The following COG5 variants were observed in gnomAD, a reference collection of about 807,000 sequenced individuals.
The protein encoded by COG5 is conserved oligomeric Golgi complex subunit 5.
In COG5, 86 loss-of-function variants were observed where a neutral mutation model predicts 110.4. The observed-to-expected ratio is 0.78, with a 90% CI of 0.65 to 0.93. The LOEUF (loss-of-function observed/expected upper bound fraction) is 0.93. Among genes scored for constraint, COG5 ranks in the 40% least tolerant of loss-of-function variants. The probability of loss-of-function intolerance (pLI) is 0.00; values close to 1 mark genes in which losing one functional copy is unlikely to be tolerated. For missense variants in COG5, 1,077 were observed against 987.0 expected, an observed-to-expected ratio of 1.09 and a Z score of -1.22; for synonymous variants, 360 against 334.6, an observed-to-expected ratio of 1.08 and a Z score of -0.83.
chr7:107,520,502 A>C (rs1215362842), intron 6 of COG5, among the ~76,000 whole-genome samples: 2 of 152,176 alleles, frequency 1.3e-5, no homozygotes, highest in East Asian at 3.9e-4. Context: ...CACCAACAAC[A>C]GGCAAGCAGA....
rs569750959 is a variant in COG5, at chr7:107,298,896, A to C, written c.1109-550T>G. Among the ~76,000 whole-genome samples the C allele has an allele frequency of 1.4e-4, 22 of 152,322 alleles. No homozygotes were observed. The South Asian group carries it at 4.6e-3, about 32-fold the overall frequency. On this transcript the variant is annotated intron_variant, in intron 11 of 21. Transcript: ENST00000297135. Reference sequence around the variant, plus strand: ...AGTAACAAAAAGATACCTGAAAAGAATCCTCAAATATTTGGAACTAGAAAA... The same window carrying C: ...AGTAACAAAAAGATACCTGAAAAGACTCCTCAAATATTTGGAACTAGAAAA...
At chr7:107,549,314 T>C (rs1333872617) in intron 3 of COG5, 1 of 152,234 alleles carries the variant, frequency 6.6e-6, no homozygotes, top group Non-Finnish European at 1.5e-5. Context: ...CGAATTCTAT[T>C]GTTGGTTCTG....
At chr7:107,294,454 C>A (rs375215348) in intron 12 of COG5, among the ~76,000 whole-genome samples, 5 of 151,636 alleles carry the variant, frequency 3.3e-5, no homozygotes, top group African/African-American at 1.2e-4. Flanking sequence ...TCTGTGCTGG[C>A]CCCCCCTAAG....
chr7:107,478,729 T>C (rs984725210), intron 6 of COG5, among the ~76,000 whole-genome samples: 4 of 151,992 alleles, frequency 2.6e-5, no homozygotes, highest in East Asian at 1.9e-4. Context: ...GGTCTTGGGA[T>C]GTATACCTGA....
At chr7:107,417,046 C>T (rs145105383) in intron 6 of COG5, among the ~76,000 whole-genome samples, 10 of 152,096 alleles carry the variant, frequency 6.6e-5, no homozygotes, top group Admixed American at 6.6e-4. Context: ...AACAGAAAAA[C>T]AGCATATATC....
chr7:107,374,573 C>A (rs1001589667), intron 7 of COG5, among the ~76,000 whole-genome samples: 7 of 151,946 alleles, frequency 4.6e-5, no homozygotes, highest in Non-Finnish European at 7.4e-5. Context: ...CTAAAATAAA[C>A]CACTCTTCAA....
At chr7:107,405,966 C>G (rs1008484062) in intron 7 of COG5, among the ~76,000 whole-genome samples, 1 of 152,188 alleles carries the variant, frequency 6.6e-6, no homozygotes. Context: ...CTTCAGACTT[C>G]CCCAGCCTCC....
In COG5 at chr7:107,498,607, T is replaced by TA. The variant is rs960137838; in HGVS notation, c.538+28629dup. Among the ~76,000 whole-genome samples the TA allele has an allele frequency of 3.0e-4, 45 of 151,788 alleles. 1 individual carries two copies. The highest frequency in any genetic ancestry group is 8.2e-4 in the African/African-American group (34 of 41,408). On this transcript the variant is annotated intron_variant, in intron 6 of 21. Transcript: ENST00000297135. The stretch of plus-strand genomic sequence containing the variant: ...TCACATCCGTTAGAATGGTTATTAT[T>TA]AAAAAAAACAAACAAGCAAAAACAA...
intron 6 of COG5, among the ~76,000 whole-genome samples, chr7:107,455,419 T>A (rs1795601659): frequency 1.3e-5 from 2 of 152,086 alleles, no homozygotes; most frequent in Middle Eastern, 3.2e-3. Context: ...GTTTTTGCAA[T>A]AAAGTAAAAA....
chr7:107,281,241 A>C, intron 14 of COG5, 59 bp downstream of exon 14: 1 of 1,066,652 alleles, frequency 9.4e-7, no homozygotes, highest in South Asian at 1.3e-5. Flanking sequence ...GTCAAGTATT[A>C]TATAGTTAGT....
intron 12 of COG5, among the ~76,000 whole-genome samples, chr7:107,297,690 A>T (rs1382282728): frequency 2.6e-5 from 4 of 151,356 alleles, no homozygotes; most frequent in Non-Finnish European, 4.4e-5. Context: ...CTAGTGATCC[A>T]CTCTGCTTTT....
intron 10 of COG5, among the ~76,000 whole-genome samples, chr7:107,326,067 T>C (rs1809737585): frequency 6.6e-6 from 1 of 152,208 alleles, no homozygotes; most frequent in Non-Finnish European, 1.5e-5. Flanking sequence ...CATGGTCGTC[T>C]CAATTAATGC....
In COG5 at chr7:107,475,309, G is replaced by A. The variant is rs770343806; in HGVS notation, c.538+51928C>T. 3 of 1,579,624 alleles carry A rather than the reference G, an allele frequency of 1.9e-6. No individual in the cohort carries two copies. The African/African-American group carries it at 4.1e-5, about 22-fold the overall frequency. On this transcript the variant is annotated intron_variant, in intron 6 of 21. Coordinates refer to ENST00000297135, the MANE Select transcript of COG5 (RefSeq NM_006348.5). ...TAAAAGAAACAAAAAAATTACCTTTGAAGATAGTGAAATAAGAGAAAAATG... is the reference window on the plus strand; with the variant it reads ...TAAAAGAAACAAAAAAATTACCTTTAAAGATAGTGAAATAAGAGAAAAATG...
intron 2 of COG5, among the ~76,000 whole-genome samples, chr7:107,557,734 C>T (rs538557764): frequency 3.2e-4 from 48 of 152,134 alleles, no homozygotes; most frequent in Non-Finnish European, 6.2e-4. Context: ...ATTCGTTGCA[C>T]ATCAGTTAAG....
At chr7:107,365,516 A>T (rs67485259) in intron 8 of COG5, among the ~76,000 whole-genome samples, 20,146 of 150,368 alleles carry the variant, frequency 0.13, 1,966 homozygotes, top group African/African-American at 0.28. Context: ...GAATTTGCAC[A>T]AGCTATCTAA....
At chr7:107,556,031 A>AT (rs1486258913) in intron 2 of COG5, among the ~76,000 whole-genome samples, 1 of 151,764 alleles carries the variant, frequency 6.6e-6, no homozygotes, top group Non-Finnish European at 1.5e-5. Context: ...AAAAAAAAAA[A>AT]GGAGAGAGGA....
intron 10 of COG5, among the ~76,000 whole-genome samples, chr7:107,338,536 T>C (rs1810904404): frequency 6.6e-6 from 1 of 152,102 alleles, no homozygotes; most frequent in Non-Finnish European, 1.5e-5. Context: ...CCTAAAGCTA[T>C]AGCTCCTAGA....
chr7:107,299,840 T>TATAC (rs1301672452), intron 11 of COG5, among the ~76,000 whole-genome samples: 1 of 141,696 alleles, frequency 7.1e-6, no homozygotes, highest in Admixed American at 7.2e-5. Flanking sequence ...TATATATATA[T>TATAC]ATATATATAT....
chr7:107,288,888 CCCT>C (rs1254250754), intron 12 of COG5, among the ~76,000 whole-genome samples: 3 of 127,472 alleles, frequency 2.4e-5, no homozygotes, highest in African/African-American at 9.0e-5. Context: ...GAAGATTTGC[CCCT>C]ATGTTTTCTA....
Sources: allele counts gnomAD v4.1 joint callset (sites outside exome capture counted in the v4.1 genomes callset), GRCh38; gene constraint gnomAD v4.1.1; transcripts MANE v1.5; gene names NCBI Gene and HGNC (gene_info 2026-07-23, HGNC 2026-07-21).